Variants in ZRANB3 observed in about 807,000 individuals in gnomAD.
The protein encoded by ZRANB3 is zinc finger RANBP2-type containing 3, also known as DNA annealing helicase and endonuclease ZRANB3.
ZRANB3 carries 125 observed loss-of-function variants against 133.8 expected under a neutral mutation model. That is an observed-to-expected ratio of 0.93 (90% CI 0.81 to 1.08). The LOEUF (loss-of-function observed/expected upper bound fraction) is 1.08, where lower values mean the gene tolerates loss of function less well. ZRANB3 is among the 50% of genes least tolerant of loss of function. The pLI, the probability that ZRANB3 is intolerant of heterozygous loss-of-function variation, is 0.00. For missense variants in ZRANB3, 1,229 were observed against 1,275.5 expected (o/e 0.96, Z 0.56); for synonymous variants, 387 against 432.7 (o/e 0.89, Z 1.31).
chr2:135,235,885 G>C (rs1237549538), intron 12 of ZRANB3, among the ~76,000 whole-genome samples: 1 of 151,462 alleles, frequency 6.6e-6, no homozygotes, highest in Non-Finnish European at 1.5e-5. Context: ...CACAAGACAG[G>C]GATGCCCTGT....
rs143457632 is a variant in ZRANB3 at position 135,491,403 on chromosome 2, G to A, written c.161+12926C>T. Among the ~76,000 whole-genome samples the A allele has an allele frequency of 5.9e-3, 899 of 152,072 alleles. 8 individuals carry two copies. Among genetic ancestry groups the A allele is most frequent in the African/African-American group, 0.019 (807 of 41,464 alleles). ...TCTATCACCCAGGCTGGAATGCAGC[G>A]GCACAATCTTGGCTCACTGCAACCT... On this transcript the variant is annotated intron_variant, in intron 2 of 20. Transcript: ENST00000264159.
intron 15 of ZRANB3, among the ~76,000 whole-genome samples, chr2:135,223,696 T>A (rs1262922951): frequency 6.6e-6 from 1 of 152,156 alleles, no homozygotes; most frequent in Non-Finnish European, 1.5e-5. Flanking sequence ...ATATAACCCA[T>A]ACAAACAAAA....
intron 12 of ZRANB3, among the ~76,000 whole-genome samples, chr2:135,233,291 T>A (rs937117175): frequency 6.6e-6 from 1 of 152,046 alleles, no homozygotes; most frequent in East Asian, 1.9e-4. Flanking sequence ...TATGGGACCA[T>A]GTGAAAAGAT....
chr2:135,244,134 AT>A (rs1695679603), intron 12 of ZRANB3, among the ~76,000 whole-genome samples: 1 of 151,336 alleles, frequency 6.6e-6, no homozygotes, highest in Non-Finnish European at 1.5e-5. Context: ...AATTTGCAAC[AT>A]TTGTTAAAAC....
intron 3 of ZRANB3, among the ~76,000 whole-genome samples, chr2:135,372,566 T>C (rs1303009003): frequency 2.0e-5 from 3 of 151,364 alleles, no homozygotes; most frequent in Non-Finnish European, 2.9e-5. Flanking sequence ...GGGAGGCGGA[T>C]CATGAGATCA....
intron 2 of ZRANB3, among the ~76,000 whole-genome samples, chr2:135,414,270 C>A (rs559768372): frequency 2.4e-4 from 37 of 151,644 alleles, no homozygotes; most frequent in Admixed American, 5.3e-4. Flanking sequence ...TCTACCAAGC[C>A]AATGGAAAAC....
chr2:135,382,823 A>C (rs1574009601), intron 3 of ZRANB3, among the ~76,000 whole-genome samples: 1 of 152,338 alleles, frequency 6.6e-6, no homozygotes, highest in East Asian at 1.9e-4. Flanking sequence ...TCTGCCCTAA[A>C]AGAGCTCCTG....
At chr2:135,520,965 A>C (rs1331767496) in intron 1 of ZRANB3, among the ~76,000 whole-genome samples, 1 of 152,234 alleles carries the variant, frequency 6.6e-6, no homozygotes, top group Non-Finnish European at 1.5e-5. Flanking sequence ...GATTAATGAT[A>C]AAATAATTCC....
chr2:135,458,231 T>C (rs1218011901), intron 2 of ZRANB3, among the ~76,000 whole-genome samples: 1 of 152,152 alleles, frequency 6.6e-6, no homozygotes, highest in Non-Finnish European at 1.5e-5. Flanking sequence ...AGTATTCCAC[T>C]GATCGTGTGT....
Position 135,200,160 on chromosome 2 carries a change from G to A in ZRANB3, c.*182C>T, listed in dbSNP as rs548543548. 3.0e-6 allele frequency: 2 copies of A among 664,770 alleles called. No individual in the cohort carries two copies. Among genetic ancestry groups the A allele is most frequent in the East Asian group, 2.8e-5 (1 of 35,904 alleles). The allele number at this position is 664,770 out of a possible 1,614,324, so 41.2% of individuals were successfully genotyped here. ...CAGAAATATTCAGTATTGTATCTTA[G>A]TTTCTGTTAAGTACTTTCAAAATGT... On this transcript the variant is annotated 3_prime_UTR_variant, in exon 21 of 21. Coordinates refer to ENST00000264159, the MANE Select transcript of ZRANB3 (RefSeq NM_032143.4).
At chr2:135,404,354 A>T (rs1395416906) in intron 2 of ZRANB3, among the ~76,000 whole-genome samples, 1 of 152,232 alleles carries the variant, frequency 6.6e-6, no homozygotes, top group African/African-American at 2.4e-5. Flanking sequence ...GGTATCAGTG[A>T]TGGAAGATCA....
chr2:135,323,562 A>G (rs1317844496), intron 6 of ZRANB3, among the ~76,000 whole-genome samples: 1 of 152,204 alleles, frequency 6.6e-6, no homozygotes, highest in African/African-American at 2.4e-5. Context: ...AAAGTGGAAT[A>G]AAGGTATCAT....
At chr2:135,380,926 G>A (rs1277521055) in intron 3 of ZRANB3, among the ~76,000 whole-genome samples, 1 of 152,182 alleles carries the variant, frequency 6.6e-6, no homozygotes, top group Non-Finnish European at 1.5e-5. Flanking sequence ...TAGCATGAGC[G>A]ACGCAGAAGA....
At chr2:135,349,428 C>T (rs1447021572) in intron 5 of ZRANB3, among the ~76,000 whole-genome samples, 1 of 152,180 alleles carries the variant, frequency 6.6e-6, no homozygotes, top group Admixed American at 6.5e-5. Context: ...TTTAACCATT[C>T]CACGTACTAC....
chr2:135,377,298 A>C (rs1187596738), intron 3 of ZRANB3, among the ~76,000 whole-genome samples: 1 of 152,194 alleles, frequency 6.6e-6, no homozygotes, highest in Non-Finnish European at 1.5e-5. Flanking sequence ...TACACACACA[A>C]GTTAGTATAT....
At chr2:135,359,440 C>T (rs1685575493) in intron 3 of ZRANB3, among the ~76,000 whole-genome samples, 1 of 151,758 alleles carries the variant, frequency 6.6e-6, no homozygotes, top group Non-Finnish European at 1.5e-5. Context: ...TAGTAATCCC[C>T]AGGTGTGGTG....
chr2:135,360,289 G>A (rs1416031024), intron 3 of ZRANB3, among the ~76,000 whole-genome samples: 1 of 152,144 alleles, frequency 6.6e-6, no homozygotes, highest in Non-Finnish European at 1.5e-5. Flanking sequence ...GCTGAGGCAG[G>A]AGAATTGCTT....
chr2:135,315,555 T>C (rs1236118338), intron 6 of ZRANB3, 25 bp from the exon 7 acceptor site: 1 of 1,400,186 alleles, frequency 7.1e-7, no homozygotes, highest in Non-Finnish European at 9.3e-7. Flanking sequence ...ACAAAACATG[T>C]AGCAAAATTG....
At chr2:135,476,629 A>G (rs1473945364) in intron 2 of ZRANB3, among the ~76,000 whole-genome samples, 1 of 152,140 alleles carries the variant, frequency 6.6e-6, no homozygotes, top group Non-Finnish European at 1.5e-5. Flanking sequence ...ATTAAGTTAC[A>G]AACCTCAGTT....
Sources: gnomAD v4.1 joint callset for allele counts (sites outside exome capture counted in the v4.1 genomes callset) on GRCh38, gnomAD v4.1.1 for gene constraint, MANE v1.5 for transcripts, NCBI Gene and HGNC (gene_info 2026-07-23, HGNC 2026-07-21) for gene names.